MAP4K3: variants seen among roughly 807,000 people sequenced by gnomAD.
MAP4K3 encodes mitogen-activated protein kinase kinase kinase kinase 3.
In MAP4K3, 94 loss-of-function variants were observed where a neutral mutation model predicts 143.5. The observed-to-expected ratio is 0.65, with a 90% CI of 0.55 to 0.78. The LOEUF is 0.78. Ranked by LOEUF, MAP4K3 falls within the 30% of genes least tolerant of loss-of-function variation. MAP4K3 has a pLI of 0.00. For missense variants in MAP4K3, 1,077 were observed against 1,068.1 expected (o/e 1.01, Z -0.12); for synonymous variants, 416 against 347.2 (o/e 1.20, Z -2.20).
At chr2:39,270,693 T>C (rs1013661714) in intron 26 of MAP4K3, among the ~76,000 whole-genome samples, 4 of 152,024 alleles carry the variant, frequency 2.6e-5, no homozygotes, top group Non-Finnish European at 4.4e-5. Context: ...TAAAAATGGA[T>C]TACAATATGG....
chr2:39,385,351 T>C lies in MAP4K3; in HGVS notation c.97-7228A>G, dbSNP rs564347854. ...TTCACATCCTTGCCAAGAGCTGGCA[T>C]TGTATTTTTTATTTCAGCCATCCTA... On this transcript the variant is annotated intron_variant, in intron 1 of 33. Transcript: ENST00000263881. Among the ~76,000 whole-genome samples, 99 of 152,036 alleles carry C rather than the reference T, an allele frequency of 6.5e-4. 1 individual carries two copies. Among genetic ancestry groups the C allele is most frequent in the African/African-American group, 2.3e-3 (95 of 41,416 alleles).
intron 13 of MAP4K3, among the ~76,000 whole-genome samples, chr2:39,314,913 C>T (rs186426862): frequency 2.0e-5 from 3 of 152,274 alleles, no homozygotes; most frequent in Non-Finnish European, 1.5e-5. Context: ...TTCTCTGTTA[C>T]CCTTGGATCA....
chr2:39,383,865 G>A (rs143659180), intron 1 of MAP4K3, among the ~76,000 whole-genome samples: 1 of 152,194 alleles, frequency 6.6e-6, no homozygotes, highest in African/African-American at 2.4e-5. Context: ...AGCACTTTGC[G>A]AGGCAAAAGT....
intron 2 of MAP4K3, among the ~76,000 whole-genome samples, chr2:39,370,365 T>C (rs1446643590): frequency 6.6e-6 from 1 of 152,164 alleles, no homozygotes; most frequent in Non-Finnish European, 1.5e-5. Context: ...AATAAGCACA[T>C]GGTGGCAAGG....
intron 1 of MAP4K3, among the ~76,000 whole-genome samples, chr2:39,390,718 A>C: frequency 6.6e-6 from 1 of 152,160 alleles, no homozygotes; most frequent in African/African-American, 2.4e-5. Flanking sequence ...CAGAAGAAAA[A>C]GCACTTTTCT....
At chr2:39,415,141 A>G (rs1667337285) in intron 1 of MAP4K3, among the ~76,000 whole-genome samples, 1 of 152,216 alleles carries the variant, frequency 6.6e-6, no homozygotes. Flanking sequence ...TAAAAGTCCA[A>G]ACTTCTCCTA....
rs115883607 is a variant in MAP4K3 at position 39,250,147 on chromosome 2, A to G, written c.*471T>C. 2,248 of 152,824 alleles carry G rather than the reference A, an allele frequency of 0.015. 20 individuals are homozygous for G. Among genetic ancestry groups the G allele is most frequent in the Non-Finnish European group, 0.021 (1,408 of 68,066 alleles). The allele number at this position is 152,824 out of a possible 1,614,324, so 9.5% of individuals were successfully genotyped here. A position where few individuals can be genotyped will look rare whatever the true frequency, so the allele number is the denominator to read the frequency against. ...TTATATTCATATTACTAAATTACAT[A>G]TAATAAAAATACAATAGTGTTAAAT... On this transcript the variant is annotated 3_prime_UTR_variant, in exon 34 of 34. Transcript: ENST00000263881.
intron 2 of MAP4K3, among the ~76,000 whole-genome samples, chr2:39,359,452 T>C (rs1159271302): frequency 6.6e-6 from 1 of 152,200 alleles, no homozygotes; most frequent in Non-Finnish European, 1.5e-5. Flanking sequence ...TCTCCAGCTT[T>C]TCCAGGCACA....
At position 39,337,128 on chromosome 2, in the gene MAP4K3, G is replaced by C. The variant is rs190562968; in HGVS notation, c.367-161C>G. Among the ~76,000 whole-genome samples the C allele has an allele frequency of 2.0e-3, 303 of 151,852 alleles. 3 individuals are homozygous for C. Among genetic ancestry groups the C allele is most frequent in the Admixed American group, 0.016 (250 of 15,260 alleles). ...ATTTTAATGAGATATCCTAAAAAAA[G>C]ATCAAGAAAATGACTAATTTTTCTA... On this transcript the variant is annotated intron_variant, in intron 5 of 33. Transcript: ENST00000263881.
intron 15 of MAP4K3, among the ~76,000 whole-genome samples, chr2:39,303,412 T>C (rs1468855598): frequency 6.6e-6 from 1 of 152,176 alleles, no homozygotes; most frequent in Non-Finnish European, 1.5e-5. Context: ...AATGGAATAA[T>C]ATGACTTTTG....
rs185331203 is a variant in MAP4K3, at chr2:39,394,463, G to C, written c.97-16340C>G. On this transcript the variant is annotated intron_variant, in intron 1 of 33. Transcript: ENST00000263881. Reference sequence around the variant, plus strand: ...GGTTCTCCAGAACAAAAACTCACAAGAGCCACATTATTTTTTGCTTAGGTA... The same window carrying C: ...GGTTCTCCAGAACAAAAACTCACAACAGCCACATTATTTTTTGCTTAGGTA... Among the ~76,000 whole-genome samples, 8 of 152,284 alleles carry C rather than the reference G, an allele frequency of 5.3e-5. No homozygotes were observed. The East Asian group carries it at 1.5e-3, about 29-fold the overall frequency.
chr2:39,399,497 T>C (rs1323429051), intron 1 of MAP4K3, among the ~76,000 whole-genome samples: 1 of 152,228 alleles, frequency 6.6e-6, no homozygotes, highest in African/African-American at 2.4e-5. Context: ...CATTTCCATC[T>C]TTGAGGTGAC....
At position 39,258,582 on chromosome 2, in the gene MAP4K3, G is replaced by A. The variant is rs370055571; in HGVS notation, c.2314C>T (p.Pro772Ser). 2.0e-4 allele frequency: 317 copies of A among 1,612,042 alleles called. 1 individual carries two copies. The Admixed American group carries it at 5.1e-3, about 26-fold the overall frequency. ...GTTACATGAGTAACATTTGTCTGTG[G>A]GGTATCTACAATACAAACAAATTTT... ...TSSWFTESDT[P>S]QTNVTHVTQL... Residue 772 changes from proline (P) to serine (S), a missense_variant, in exon 30 of 34, where the codon CCA becomes TCA. Physicochemically the swap from Pro to Ser is moderately conservative, Grantham distance 74. Transcript: ENST00000263881.
At position 39,260,743 on chromosome 2, in the gene MAP4K3, A is replaced by C. The variant is rs1461516688; in HGVS notation, c.2171T>G (p.Met724Arg). 2 of 1,613,286 alleles carry C rather than the reference A, an allele frequency of 1.2e-6. No homozygotes were observed. The highest frequency in any genetic ancestry group is 1.3e-5 in the African/African-American group (1 of 74,926). ...TTCAGGAACTACCAGCATTTCAAAC[A>C]TTCTAAGTGGACATGGTATAGGAAA... The part of the protein sequence containing the change: ...IDFPIPCPLR[M>R]FEMLVVPEQE... The change falls in exon 29 of 34, where the codon ATG (methionine) becomes AGG (arginine). Residue 724 changes from methionine (M) to arginine (R), a missense_variant. Physicochemically the swap from Met to Arg is moderately conservative, Grantham distance 91. This residue lies in a region of MAP4K3 where 864 missense variants were observed against 801.2 expected (regional missense o/e 1.08). Coordinates refer to ENST00000263881, the MANE Select transcript of MAP4K3 (RefSeq NM_003618.4).
At chr2:39,362,069 A>T (rs1665786299) in intron 2 of MAP4K3, among the ~76,000 whole-genome samples, 1 of 152,164 alleles carries the variant, frequency 6.6e-6, no homozygotes. Flanking sequence ...TAAAAATGCC[A>T]GTTGAATCCT....
intron 2 of MAP4K3, among the ~76,000 whole-genome samples, chr2:39,372,190 T>C (rs936183327): frequency 6.6e-6 from 1 of 150,772 alleles, no homozygotes; most frequent in African/African-American, 2.4e-5. Flanking sequence ...TTACAATAGC[T>C]ACAAATAAAA....
In MAP4K3 at chr2:39,299,784, A is replaced by G. The variant is rs368506253; in HGVS notation, c.1137T>C (p.Tyr379=). ...ARSNLDLQLE[Y]GQGHQGGYFL... ...AGTAACCACCTTGGTGTCCTTGTCCATATTCCAGTTGCAGATCCTAATAGT... is the reference window on the plus strand; with the variant it reads ...AGTAACCACCTTGGTGTCCTTGTCCGTATTCCAGTTGCAGATCCTAATAGT... The change falls in exon 16 of 34, where the codon TAT becomes TAC. Residue 379 remains tyrosine (Y), a synonymous_variant. Coordinates refer to ENST00000263881, the MANE Select transcript of MAP4K3 (RefSeq NM_003618.4). 8.2e-6 allele frequency: 13 copies of G among 1,576,512 alleles called. No homozygotes were observed. Among genetic ancestry groups the G allele is most frequent in the South Asian group, 2.4e-5 (2 of 82,542 alleles).
chr2:39,310,385 T>C (rs1013637666), intron 13 of MAP4K3, among the ~76,000 whole-genome samples: 3 of 152,218 alleles, frequency 2.0e-5, no homozygotes, highest in Non-Finnish European at 4.4e-5. Context: ...AACATTAATG[T>C]CCTCCAGTTC....
chr2:39,432,099 C>G (rs1490474776), intron 1 of MAP4K3, among the ~76,000 whole-genome samples: 1 of 152,182 alleles, frequency 6.6e-6, no homozygotes, highest in African/African-American at 2.4e-5. Context: ...TACCAAGTAC[C>G]AAGCCTTGTC....
Sources: gnomAD v4.1 joint callset for allele counts (sites outside exome capture counted in the v4.1 genomes callset) on GRCh38, gnomAD v4.1.1 for gene constraint, gnomAD v4.1.1 regional missense constraint, MANE v1.5 for transcripts, NCBI Gene and HGNC (gene_info 2026-07-23, HGNC 2026-07-21) for gene names.